Variants in TEPSIN observed in about 807,000 individuals in gnomAD.
TEPSIN encodes the protein TEPSIN adaptor related protein complex 4 accessory protein.
In TEPSIN, 50 loss-of-function variants were observed where a neutral mutation model predicts 48.5. The observed-to-expected ratio is 1.03, with a 90% CI of 0.82 to 1.31. The LOEUF is 1.31. Ranked by LOEUF, TEPSIN falls within the 50% of genes most tolerant of loss-of-function variation. The pLI, the probability that TEPSIN is intolerant of heterozygous loss-of-function variation, is 0.00. For synonymous variants in TEPSIN, 392 were observed against 358.8 expected (o/e 1.09, Z -1.05); for missense variants, 838 against 815.9 (o/e 1.03, Z -0.33).
chr17:81,231,658 C>T lies in TEPSIN; in HGVS notation c.939G>A (p.Gln313=). The change falls in exon 10 of 13, where the codon CAG becomes CAA. Residue 313 remains glutamine (Q), a synonymous_variant. Transcript: ENST00000637944. ...TCACAGTCCTCACCAAGCTCAACTC[C>T]TGCTGACAGTCACTCAGGGCCACCA... ...VEVVALSDCQ[Q]ELSLVRTVTR... is the part of the protein sequence containing the mutation. The T allele has an allele frequency of 6.2e-7, 1 of 1,613,180 alleles. No homozygotes were observed. Among genetic ancestry groups the T allele is most frequent in the Non-Finnish European group, 8.5e-7 (1 of 1,179,742 alleles).
chr17:81,232,752 G>A (rs2146835689), intron 7 of TEPSIN: 1 of 525,688 alleles, frequency 1.9e-6, no homozygotes, highest in Non-Finnish European at 3.4e-6. Context: ...GCAGAGTTAT[G>A]CCTCCGTCCC....
chr17:81,231,364 C>G, intron 11 of TEPSIN, 34 bp downstream of exon 11: 1 of 1,509,246 alleles, frequency 6.6e-7, no homozygotes, highest in Non-Finnish European at 8.9e-7. Context: ...CACATGCACA[C>G]AGTCACGCCC....
intron 12 of TEPSIN, 44 bp from the exon 13 acceptor site, chr17:81,229,520 G>A: frequency 6.5e-7 from 1 of 1,540,552 alleles, no homozygotes; most frequent in South Asian, 1.2e-5. Context: ...ATGCAACCCT[G>A]GGAAATGTGG....
chr17:81,230,680 T>C lies in TEPSIN; in HGVS notation c.1099-2A>G, dbSNP rs751916009. The C allele has an allele frequency of 1.3e-6, 2 of 1,539,792 alleles. No homozygotes were observed. The highest frequency in any genetic ancestry group is 2.5e-5 in the South Asian group (2 of 81,000). On this transcript the variant is annotated splice_acceptor_variant, in intron 11 of 12. Transcript: ENST00000637944. LOFTEE classifies it high-confidence loss of function. The surrounding 1 kb of genome is among the most constrained non-coding windows in gnomAD (Gnocchi z 4.2). The stretch of plus-strand genomic sequence containing the variant: ...GGAGGCGATGGCACACAGCGCCCTC[T>C]GCGGGTGAAGGGAGGGGACATCAGC...
chr17:81,237,064 G>C lies in TEPSIN; in HGVS notation c.129C>G (p.Ser43=). 6.3e-7 allele frequency: 1 copy of C among 1,591,156 alleles called. No homozygotes were observed. Among genetic ancestry groups the C allele is most frequent in the East Asian group, 2.3e-5 (1 of 43,830 alleles). Residue 43 remains serine (S), a synonymous_variant, in exon 3 of 13, where the codon TCC becomes TCG. Transcript: ENST00000637944. ...GYLFEEIAKI[S]HESPGSSQCL... ...ACTGGCTGCTGCCCGGAGACTCGTG[G>C]GAGATTTCTGCGGCACGCTCGGGTT...
Position 81,228,479 on chromosome 17 carries a change from C to T in TEPSIN, c.*449G>A, listed in dbSNP as rs1598343479. 2 of 255,440 alleles carry T rather than the reference C, an allele frequency of 7.8e-6. No homozygotes were observed. The highest frequency in any genetic ancestry group is 1.7e-4 in the East Asian group (1 of 5,938). The allele number at this position is 255,440 out of a possible 1,614,324, so 15.8% of individuals were successfully genotyped here. ...TCAGGCCAGACAGCACAAGGCAGCCCGGACAAGACACCCTCAACCCACATG... is the reference window on the plus strand; with the variant it reads ...TCAGGCCAGACAGCACAAGGCAGCCTGGACAAGACACCCTCAACCCACATG... On this transcript the variant is annotated 3_prime_UTR_variant, in exon 13 of 13. Coordinates refer to ENST00000637944, the MANE Select transcript of TEPSIN (RefSeq NM_001363764.2).
At position 81,232,789 on chromosome 17, in the gene TEPSIN, T is replaced by C. The variant is rs765651389; in HGVS notation, c.527-271A>G. 4.2e-4 allele frequency: 187 copies of C among 443,724 alleles called. 1 individual carries two copies. The highest frequency in any genetic ancestry group is 1.6e-4 in the South Asian group (4 of 25,286). 27.5% of individuals were successfully genotyped at this position (443,724 alleles called of 1,614,324 possible). A position where few individuals can be genotyped will look rare whatever the true frequency, so the allele number is the denominator to read the frequency against. On this transcript the variant is annotated intron_variant, in intron 7 of 12. Transcript: ENST00000637944. ...CTGTCCTCTGGGGGTGAAGGTGTCC[T>C]AAGGGGCTTGGGCTTGGCCTTGGCT...
chr17:81,238,037 T>G (rs758691953), intron 1 of TEPSIN: 16 of 992,924 alleles, frequency 1.6e-5, no homozygotes, highest in Non-Finnish European at 1.9e-5. Flanking sequence ...GGATGAAAAC[T>G]GGAACCACCC....
At chr17:81,232,614 C>T in intron 7 of TEPSIN, 96 bp from the exon 8 acceptor site, 1 of 1,199,016 alleles carries the variant, frequency 8.3e-7, no homozygotes, top group Non-Finnish European at 1.1e-6. Context: ...CCTGCTCAAG[C>T]TTGGAGAGGT....
chr17:81,231,598 C>G lies in TEPSIN; in HGVS notation c.999G>C (p.Glu333Asp). The G allele has an allele frequency of 6.2e-7, 1 of 1,612,854 alleles. No homozygotes were observed. Among genetic ancestry groups the G allele is most frequent in the East Asian group, 2.2e-5 (1 of 44,856 alleles). The change falls in exon 10 of 13, where the codon GAG becomes GAC. Residue 333 changes from glutamate (E) to aspartate (D), a missense_variant. Glu to Asp is a conservative substitution (Grantham distance 45). Coordinates refer to ENST00000637944, the MANE Select transcript of TEPSIN (RefSeq NM_001363764.2). ...CTCACGCTTTGATGAAGTGCTGTGC[C>G]TCCTCGCGGCTCAGGAAGGCGCGTG... is the stretch of plus-strand genomic sequence containing the variant. ...RGPRAFLSRE[E>D]AQHFIKACGL...
At position 81,233,465 on chromosome 17, in the gene TEPSIN, C is replaced by T. The variant is rs768689402; in HGVS notation, c.493G>A (p.Gly165Ser). The change falls in exon 7 of 13, where the codon GGT becomes AGT. Residue 165 changes from glycine (G) to serine (S), a missense_variant. Gly to Ser is a moderately conservative substitution (Grantham distance 56, BLOSUM62 0). Transcript: ENST00000637944. This position sits in a 1 kb window ranked among gnomAD's most constrained non-coding sequence, Gnocchi z 5.8. ...CCGTGTTCCTTGCTGTAGCCGAAAC[C>T]CTGGAGGGTGCTGTGCGGCCTGGCC... Reference protein sequence around the residue: ...SQARPHSTLQGFGYSKEHGRT... With the variant: ...SQARPHSTLQSFGYSKEHGRT... 2 of 1,610,794 alleles carry T rather than the reference C, an allele frequency of 1.2e-6. No individual in the cohort carries two copies. Among genetic ancestry groups the T allele is most frequent in the Non-Finnish European group, 1.7e-6 (2 of 1,178,958 alleles).
In TEPSIN at chr17:81,233,413, G is replaced by A. The variant is rs753789156; in HGVS notation, c.526+19C>T. On this transcript the variant is annotated intron_variant, in intron 7 of 12. Coordinates refer to ENST00000637944, the MANE Select transcript of TEPSIN (RefSeq NM_001363764.2). This position sits in a 1 kb window ranked among gnomAD's most constrained non-coding sequence, Gnocchi z 5.8. ...CACACCCTGAGATGCCAGAGCCCAT[G>A]CAGGCCCTCCCCACTCACCCGTGCG... 1.1e-5 allele frequency: 18 copies of A among 1,608,914 alleles called. No individual in the cohort carries two copies. The highest frequency in any genetic ancestry group is 1.5e-5 in the Non-Finnish European group (18 of 1,179,150).
At position 81,230,310 on chromosome 17, in the gene TEPSIN, G is replaced by A. The variant is rs1292792204; in HGVS notation, c.1233+234C>T. 2.8e-5 allele frequency: 15 copies of A among 528,748 alleles called. No homozygotes were observed. Among genetic ancestry groups the A allele is most frequent in the Non-Finnish European group, 2.0e-5 (6 of 304,834 alleles). 32.8% of individuals were successfully genotyped at this position (528,748 alleles called of 1,614,324 possible). On this transcript the variant is annotated intron_variant, in intron 12 of 12. Coordinates refer to ENST00000637944, the MANE Select transcript of TEPSIN (RefSeq NM_001363764.2). This position sits in a 1 kb window ranked among gnomAD's most constrained non-coding sequence, Gnocchi z 4.2. ...GGAGTCTGGGGGCTTCCAGGAATAG[G>A]TAGAGGCCAGTGTACTGTGAGTGCT...
At chr17:81,238,757 C>A in intron 1 of TEPSIN, 2 of 1,304,208 alleles carry the variant, frequency 1.5e-6, no homozygotes, top group African/African-American at 3.1e-5. Flanking sequence ...TCTGGCTGTG[C>A]CCATCGCCCT....
chr17:81,230,423 G>T lies in TEPSIN; in HGVS notation c.1233+121C>A. ...CCCTCTGCCAGCGGGACAGGGACTT[G>T]AGAGGGGGTCCGGGAAGGGCTGACC... On this transcript the variant is annotated intron_variant, in intron 12 of 12. Coordinates refer to ENST00000637944, the MANE Select transcript of TEPSIN (RefSeq NM_001363764.2). The surrounding 1 kb of genome is among the most constrained non-coding windows in gnomAD (Gnocchi z 4.2). 7.2e-7 allele frequency: 1 copy of T among 1,397,956 alleles called. No homozygotes were observed. The highest frequency in any genetic ancestry group is 9.6e-7 in the Non-Finnish European group (1 of 1,037,736). The allele number at this position is 1,397,956 out of a possible 1,614,324, so 86.6% of individuals were successfully genotyped here.
At position 81,234,970 on chromosome 17, in the gene TEPSIN, C is replaced by A. The variant is rs1456432276; in HGVS notation, c.308-922G>T. Among the ~76,000 whole-genome samples, 1 of 152,168 alleles carries A rather than the reference C, an allele frequency of 6.6e-6. No homozygotes were observed. The highest frequency in any genetic ancestry group is 2.4e-5 in the African/African-American group (1 of 41,432). On this transcript the variant is annotated intron_variant, in intron 4 of 12. Transcript: ENST00000637944. This position sits in a 1 kb window ranked among gnomAD's most constrained non-coding sequence, Gnocchi z 5.4. ...CAGCACGACCATGAACCACAAATAA[C>A]ATCTCCAACCAGAAACATTCCAAAC...
At chr17:81,232,661 G>A in intron 7 of TEPSIN, 143 bp from the exon 8 acceptor site, 1 of 714,314 alleles carries the variant, frequency 1.4e-6, no homozygotes, top group East Asian at 2.8e-5. Context: ...CCTCCTGGTG[G>A]GCCCCAGGCC....
intron 3 of TEPSIN, 64 bp downstream of exon 3, chr17:81,236,916 C>T: frequency 1.3e-6 from 2 of 1,533,574 alleles, no homozygotes; most frequent in African/African-American, 1.4e-5. Context: ...CGCTCGTCTG[C>T]TCCTCCATCC....
intron 2 of TEPSIN, 105 bp from the exon 3 acceptor site, chr17:81,237,176 T>C (rs1279534131): frequency 4.7e-6 from 6 of 1,282,468 alleles, no homozygotes; most frequent in Non-Finnish European, 5.5e-6. Flanking sequence ...TGGAGGCGCC[T>C]ACTGGAGGCT....
Sources: allele counts gnomAD v4.1 joint callset (sites outside exome capture counted in the v4.1 genomes callset), GRCh38; gene constraint gnomAD v4.1.1; non-coding constraint Gnocchi (gnomAD v3.1); transcripts MANE v1.5; gene names NCBI Gene and HGNC (gene_info 2026-07-23, HGNC 2026-07-21).